Variants in MTA1 observed in about 807,000 individuals in gnomAD.
The protein encoded by MTA1 is metastasis associated 1, also known as metastasis-associated protein MTA1.
A neutral mutation model predicts 97.0 loss-of-function variants in MTA1; 15 were observed. The observed-to-expected ratio is 0.15, with a 90% CI of 0.10 to 0.24. The LOEUF is 0.24. Ranked by LOEUF, MTA1 falls within the 10% of genes least tolerant of loss-of-function variation. The pLI is 1.00. For missense variants in MTA1, 709 were observed against 1,015.1 expected, an observed-to-expected ratio of 0.70 and a Z score of 4.10; for synonymous variants, 435 against 417.5, an observed-to-expected ratio of 1.04 and a Z score of -0.51.
intron 18 of MTA1, chr14:105,467,572 C>T: frequency 4.5e-6 from 2 of 442,504 alleles, no homozygotes; most frequent in Admixed American, 4.8e-5. Flanking sequence ...CCGGGCCCCC[C>T]ATCTCCACCT....
rs1555431531 is a variant in MTA1, at chr14:105,463,453, G to A, written c.1018-40G>A. 8 of 1,610,392 alleles carry A rather than the reference G, an allele frequency of 5.0e-6. No individual in the cohort carries two copies. Among genetic ancestry groups the A allele is most frequent in the Middle Eastern group, 1.7e-4 (1 of 6,058 alleles). On this transcript the variant is annotated intron_variant, in intron 11 of 20. Coordinates refer to ENST00000331320, the MANE Select transcript of MTA1 (RefSeq NM_004689.4). The surrounding 1 kb of genome is among the most constrained non-coding windows in gnomAD (Gnocchi z 5.9). ...TGTCTGCACTGCAGCCCCAACCTGG[G>A]CCTAGCCTGCTGACCTCTGACCTTC...
At chr14:105,465,464 G>C in intron 16 of MTA1, 1 of 297,340 alleles carries the variant, frequency 3.4e-6, no homozygotes, top group Non-Finnish European at 6.2e-6. Flanking sequence ...ACACCCGGGG[G>C]CTTCCCTGCC....
At chr14:105,450,381 A>G (rs2082877097) in intron 6 of MTA1, 57 bp downstream of exon 6, 7 of 1,552,822 alleles carry the variant, frequency 4.5e-6, no homozygotes, top group East Asian at 2.3e-5. Context: ...TGTTTCCTCT[A>G]CCTATGACCT....
At chr14:105,465,952 C>T (rs1361845517) in intron 16 of MTA1, 2 of 189,658 alleles carry the variant, frequency 1.1e-5, no homozygotes, top group Non-Finnish European at 2.2e-5. Flanking sequence ...GGTTGTGGCC[C>T]CTGTCCTGTG....
intron 1 of MTA1, among the ~76,000 whole-genome samples, chr14:105,425,853 C>T (rs1555422130): frequency 6.6e-6 from 1 of 151,854 alleles, no homozygotes; most frequent in African/African-American, 2.4e-5. Flanking sequence ...GCCCCCGGCA[C>T]CCCCGAGCCC....
At chr14:105,441,460 G>C (rs868985891) in intron 2 of MTA1, among the ~76,000 whole-genome samples, 1 of 152,084 alleles carries the variant, frequency 6.6e-6, no homozygotes, top group Admixed American at 6.5e-5. Flanking sequence ...GGGGCGGGGC[G>C]GGGGGGCTTT....
rs2083803917 is a variant in MTA1, at chr14:105,470,693, CAA to C, written c.*480_*481del. On this transcript the variant is annotated 3_prime_UTR_variant, in exon 21 of 21. Coordinates refer to ENST00000331320, the MANE Select transcript of MTA1 (RefSeq NM_004689.4). ...AAGTAATTTTCATATTAAACAAAAA[CAA>C]AGAAAAAAAATCTTATAAAAAGGAA... The C allele has an allele frequency of 6.5e-6, 1 of 153,376 alleles. No homozygotes were observed. Among genetic ancestry groups the C allele is most frequent in the Non-Finnish European group, 1.4e-5 (1 of 69,004 alleles). The allele number at this position is 153,376 out of a possible 1,614,324, so 9.5% of individuals were successfully genotyped here.
At position 105,464,219 on chromosome 14, in the gene MTA1, G is replaced by A. The variant is rs78116371; in HGVS notation, c.1192+72G>A. Reference sequence around the variant, plus strand: ...GCCGTGGTGCCTGCGTTGGCCCTGAGGGCTCCAGCATGGCCCAGCCTGCAA... The same window carrying A: ...GCCGTGGTGCCTGCGTTGGCCCTGAAGGCTCCAGCATGGCCCAGCCTGCAA... On this transcript the variant is annotated intron_variant, in intron 13 of 20. Transcript: ENST00000331320. 119 of 1,520,058 alleles carry A rather than the reference G, an allele frequency of 7.8e-5. 3 individuals are homozygous for A. The South Asian group carries it at 1.4e-3, about 17-fold the overall frequency. The allele number at this position is 1,520,058 out of a possible 1,614,324, so 94.2% of individuals were successfully genotyped here. A position where few individuals can be genotyped will look rare whatever the true frequency, so the allele number is the denominator to read the frequency against.
Position 105,464,090 on chromosome 14 carries a change from G to A in MTA1, c.1135G>A (p.Gly379Ser), listed in dbSNP as rs782587869. Reference protein sequence around the residue: ...VNNVKAGVVNGTGAPGQSPGA... With the variant: ...VNNVKAGVVNSTGAPGQSPGA... Reference sequence around the variant, plus strand: ...CAACGTCAAGGCCGGTGTGGTGAACGGCACGGGGGCGCCGGGCCAGAGCCC... The same window carrying A: ...CAACGTCAAGGCCGGTGTGGTGAACAGCACGGGGGCGCCGGGCCAGAGCCC... The change falls in exon 13 of 21, where the codon GGC (glycine) becomes AGC (serine). Residue 379 changes from glycine (G) to serine (S), a missense_variant. Gly to Ser is a moderately conservative substitution (Grantham distance 56). Transcript: ENST00000331320. 1.7e-5 allele frequency: 28 copies of A among 1,612,242 alleles called. No individual in the cohort carries two copies. The highest frequency in any genetic ancestry group is 4.5e-5 in the East Asian group (2 of 44,868).
intron 4 of MTA1, 68 bp from the exon 5 acceptor site, chr14:105,449,990 G>A: frequency 1.2e-6 from 2 of 1,603,306 alleles, no homozygotes; most frequent in Non-Finnish European, 1.7e-6. Context: ...AGGTGGGGCT[G>A]GTGGGGTGGG....
intron 2 of MTA1, among the ~76,000 whole-genome samples, chr14:105,442,483 G>T (rs781909369): frequency 6.6e-6 from 1 of 152,226 alleles, no homozygotes; most frequent in Non-Finnish European, 1.5e-5. Context: ...CTCTGCTGCC[G>T]AGCACTTTAG....
intron 2 of MTA1, among the ~76,000 whole-genome samples, chr14:105,443,917 C>T (rs1158719314): frequency 1.3e-5 from 2 of 149,388 alleles, no homozygotes; most frequent in Non-Finnish European, 3.0e-5. Context: ...GGTAAAACCC[C>T]GTCTCTACTA....
At chr14:105,458,430 C>T in intron 8 of MTA1, 58 bp downstream of exon 8, 1 of 1,498,604 alleles carries the variant, frequency 6.7e-7, no homozygotes, top group Non-Finnish European at 9.2e-7. Flanking sequence ...TCTGTTCTCC[C>T]TTCCCTGTGG....
chr14:105,452,556 T>G (rs1481718316), intron 6 of MTA1, among the ~76,000 whole-genome samples: 1 of 152,184 alleles, frequency 6.6e-6, no homozygotes, highest in Non-Finnish European at 1.5e-5. Flanking sequence ...GGTGCACACT[T>G]ACTGTTGTCC....
chr14:105,429,752 C>CTT lies in MTA1; in HGVS notation c.29-8900_29-8899dup, dbSNP rs59028638. On this transcript the variant is annotated intron_variant, in intron 1 of 20. Coordinates refer to ENST00000331320, the MANE Select transcript of MTA1 (RefSeq NM_004689.4). The stretch of plus-strand genomic sequence containing the variant: ...ACAGACGTGAGCCACTGCGCCCGGC[C>CTT]TTTTTTTTTTTTTTTTTTTTTGGTG... Among the ~76,000 whole-genome samples, 9 of 50,570 alleles carry CTT rather than the reference C, an allele frequency of 1.8e-4. 2 individuals carry two copies. In the South Asian group the frequency reaches 3.0e-3, roughly 17 times the overall value. 33.2% of individuals were successfully genotyped at this position (50,570 alleles called of 152,430 possible). A position where few individuals can be genotyped will look rare whatever the true frequency, so the allele number is the denominator to read the frequency against.
rs1479732663 is a variant in MTA1, at chr14:105,454,182, G to T, written c.433-11G>T. 3 of 1,599,484 alleles carry T rather than the reference G, an allele frequency of 1.9e-6. No individual in the cohort carries two copies. The African/African-American group carries it at 4.0e-5, about 21-fold the overall frequency. On this transcript the variant is annotated splice_polypyrimidine_tract_variant and intron_variant, in intron 6 of 20. Transcript: ENST00000331320. ...TGCTGACGCCTCTCTGTCTCCTGTG[G>T]TGTTTTCCAGGATTTCTTCTTCTAT...
At chr14:105,456,350 G>C (rs955626639) in intron 7 of MTA1, among the ~76,000 whole-genome samples, 2 of 152,230 alleles carry the variant, frequency 1.3e-5, no homozygotes, top group African/African-American at 4.8e-5. Flanking sequence ...GGGCCTTGAG[G>C]TGCCCCCATC....
In MTA1 at chr14:105,464,641, G is replaced by A. The variant is rs202083961; in HGVS notation, c.1345-33G>A. On this transcript the variant is annotated intron_variant, in intron 14 of 20. Coordinates refer to ENST00000331320, the MANE Select transcript of MTA1 (RefSeq NM_004689.4). Reference sequence around the variant, plus strand: ...CGGGTCCTCGGCCCCCGGTCATGGCGCTGTGTTGGGGCGGTTGCGCCCCCT... The same window carrying A: ...CGGGTCCTCGGCCCCCGGTCATGGCACTGTGTTGGGGCGGTTGCGCCCCCT... 4.3e-4 allele frequency: 685 copies of A among 1,607,410 alleles called. 3 individuals carry two copies. In the African/African-American group the frequency reaches 7.6e-3, roughly 18 times the overall value.
intron 19 of MTA1, 69 bp from the exon 20 acceptor site, chr14:105,469,772 C>A (rs886716881): frequency 1.8e-4 from 55 of 312,710 alleles, no homozygotes; most frequent in Non-Finnish European, 2.7e-4. Context: ...CACCTCCCAG[C>A]GGGAGCCCTG....
Sources: gnomAD v4.1 joint callset for allele counts (sites outside exome capture counted in the v4.1 genomes callset) on GRCh38, gnomAD v4.1.1 for gene constraint, Gnocchi (gnomAD v3.1) non-coding constraint, MANE v1.5 for transcripts, NCBI Gene and HGNC (gene_info 2026-07-23, HGNC 2026-07-21) for gene names.